Variants in ZBTB20 observed in about 807,000 individuals in gnomAD.
ZBTB20 encodes the protein zinc finger and BTB domain containing 20.
Under a neutral mutation model 56.9 loss-of-function variants are expected in ZBTB20, and 9 were observed. The ratio of observed to expected loss-of-function variants is 0.16; its 90% confidence interval spans 0.10 to 0.28. The LOEUF (loss-of-function observed/expected upper bound fraction) is 0.28. Ranked by LOEUF, ZBTB20 falls within the 10% of genes least tolerant of loss-of-function variation. The pLI is 1.00. For synonymous variants in ZBTB20, 417 were observed against 420.7 expected (o/e 0.99, Z 0.11); for missense variants, 655 against 1,003.0 (o/e 0.65, Z 4.69).
At chr3:115,053,537 C>T (rs2081632867) in intron 2 of ZBTB20, among the ~76,000 whole-genome samples, 1 of 152,120 alleles carries the variant, frequency 6.6e-6, no homozygotes, top group Admixed American at 6.5e-5. Context: ...AGTGAGAGTA[C>T]TTGCTCAATA....
At chr3:115,104,128 C>A (rs1427135941) in intron 1 of ZBTB20, among the ~76,000 whole-genome samples, 1 of 152,110 alleles carries the variant, frequency 6.6e-6, no homozygotes, top group African/African-American at 2.4e-5. Context: ...TGGGGAAATG[C>A]ACATTAAAAA....
chr3:114,390,829 T>C (rs889675621), intron 7 of ZBTB20, among the ~76,000 whole-genome samples: 1 of 152,212 alleles, frequency 6.6e-6, no homozygotes, highest in African/African-American at 2.4e-5. Context: ...CACATCGCCA[T>C]CAAATACTAC....
At chr3:115,029,167 C>G (rs2080558350) in intron 2 of ZBTB20, among the ~76,000 whole-genome samples, 1 of 150,566 alleles carries the variant, frequency 6.6e-6, no homozygotes, top group Admixed American at 6.6e-5. Context: ...TACATAGAAA[C>G]TAACACTACA....
At chr3:114,967,674 C>T (rs907835518) in intron 3 of ZBTB20, among the ~76,000 whole-genome samples, 1 of 152,026 alleles carries the variant, frequency 6.6e-6, no homozygotes, top group Non-Finnish European at 1.5e-5. Flanking sequence ...AAGTTGATCT[C>T]GGCTGGTCGC....
chr3:114,623,211 G>A (rs1204787124), intron 6 of ZBTB20, among the ~76,000 whole-genome samples: 3 of 152,144 alleles, frequency 2.0e-5, no homozygotes, highest in African/African-American at 7.2e-5. Flanking sequence ...CTTTTAGGGA[G>A]AGTATGAGTT....
intron 6 of ZBTB20, among the ~76,000 whole-genome samples, chr3:114,581,805 A>G (rs4300983): frequency 0.14 from 21,886 of 152,198 alleles, 1,861 homozygotes; most frequent in Admixed American, 0.25. Flanking sequence ...GCTCTCATAG[A>G]TTGTTACTGA....
chr3:114,715,933 A>G (rs1278585017), intron 5 of ZBTB20, among the ~76,000 whole-genome samples: 4 of 152,220 alleles, frequency 2.6e-5, no homozygotes, highest in Admixed American at 6.5e-5. Context: ...GGCTTTACAC[A>G]AAGTTGGACT....
intron 5 of ZBTB20, among the ~76,000 whole-genome samples, chr3:114,728,918 G>A (rs1417649698): frequency 6.6e-6 from 1 of 152,020 alleles, no homozygotes; most frequent in East Asian, 1.9e-4. Context: ...CCTCAGGGGA[G>A]GGCAGTGTGG....
At chr3:115,106,369 G>C (rs1310305486) in intron 1 of ZBTB20, among the ~76,000 whole-genome samples, 2 of 151,428 alleles carry the variant, frequency 1.3e-5, no homozygotes, top group Non-Finnish European at 2.9e-5. Flanking sequence ...GAGTAGCTGG[G>C]ACTACAGGTG....
chr3:114,836,841 G>A (rs1251331280), intron 4 of ZBTB20, among the ~76,000 whole-genome samples: 1 of 152,098 alleles, frequency 6.6e-6, no homozygotes, highest in Non-Finnish European at 1.5e-5. Flanking sequence ...TTGAAATGCA[G>A]GAAAGATGAT....
chr3:114,437,826 A>G (rs938853360), intron 7 of ZBTB20, among the ~76,000 whole-genome samples: 1 of 152,112 alleles, frequency 6.6e-6, no homozygotes, highest in Non-Finnish European at 1.5e-5. Context: ...ACACCCCTTG[A>G]GTTATCCAAA....
chr3:114,762,153 T>C lies in ZBTB20; in HGVS notation c.-343+38948A>G, dbSNP rs1402287251. Among the ~76,000 whole-genome samples, 10 of 152,200 alleles carry C rather than the reference T, an allele frequency of 6.6e-5. No individual in the cohort carries two copies. The East Asian group carries it at 1.9e-3, about 29-fold the overall frequency. ...AGCTGACAGACAAAATAGAGATAGA[T>C]GACACAGGAACTCACCAGTTAATAA... On this transcript the variant is annotated intron_variant, in intron 5 of 11. Coordinates refer to ENST00000675478, the MANE Select transcript of ZBTB20 (RefSeq NM_001348800.3).
At chr3:114,342,099 T>C (rs189609890) in intron 11 of ZBTB20, among the ~76,000 whole-genome samples, 2,243 of 152,306 alleles carry the variant, frequency 0.015, 40 homozygotes, top group Non-Finnish European at 0.016. Context: ...TCAGAAACTG[T>C]CTTACTAAAT....
At position 114,893,105 on chromosome 3, in the gene ZBTB20, A is replaced by G. The variant is rs550213361; in HGVS notation, c.-417+7199T>C. 8.7e-4 allele frequency among the ~76,000 whole-genome samples: 132 copies of G among 152,242 alleles called. 1 individual carries two copies. Among genetic ancestry groups the G allele is most frequent in the Admixed American group, 1.1e-3 (17 of 15,290 alleles). ...CTTCGCTCCAAACCTTGTTTGTACA[A>G]AAAGGGGCCAAGCAGCTGGGAAATT... is the stretch of plus-strand genomic sequence containing the variant. On this transcript the variant is annotated intron_variant, in intron 4 of 11. Coordinates refer to ENST00000675478, the MANE Select transcript of ZBTB20 (RefSeq NM_001348800.3).
At chr3:114,410,976 G>A (rs1384055886) in intron 7 of ZBTB20, among the ~76,000 whole-genome samples, 1 of 152,120 alleles carries the variant, frequency 6.6e-6, no homozygotes, top group Non-Finnish European at 1.5e-5. Context: ...GACACATCGA[G>A]TTAGTGAGGG....
intron 4 of ZBTB20, among the ~76,000 whole-genome samples, chr3:114,842,075 T>C (rs1215525444): frequency 6.6e-6 from 1 of 152,180 alleles, no homozygotes; most frequent in Non-Finnish European, 1.5e-5. Flanking sequence ...AATTATAAGA[T>C]AAGCAGGGTG....
intron 1 of ZBTB20, among the ~76,000 whole-genome samples, chr3:115,078,595 A>ATGTG (rs10662256): frequency 0.33 from 42,807 of 130,068 alleles, 8,490 homozygotes; most frequent in Non-Finnish European, 0.45. Flanking sequence ...CAGTAAGAAT[A>ATGTG]TGTGTGTGTG....
At chr3:115,068,619 A>G (rs940835043) in intron 2 of ZBTB20, among the ~76,000 whole-genome samples, 4 of 152,114 alleles carry the variant, frequency 2.6e-5, no homozygotes, top group African/African-American at 4.8e-5. Context: ...TTTATCCAAA[A>G]GCTTCACGAC....
chr3:115,114,217 C>T (rs549984527), intron 1 of ZBTB20, among the ~76,000 whole-genome samples: 1 of 152,044 alleles, frequency 6.6e-6, no homozygotes, highest in Admixed American at 6.6e-5. Flanking sequence ...TCATTCTCTA[C>T]GTCTTGGCTT....
Sources: allele counts gnomAD v4.1 joint callset (sites outside exome capture counted in the v4.1 genomes callset), GRCh38; gene constraint gnomAD v4.1.1; transcripts MANE v1.5; gene names NCBI Gene and HGNC (gene_info 2026-07-23, HGNC 2026-07-21).